The following ELP4 variants were observed in gnomAD, a reference collection of about 807,000 sequenced individuals.
ELP4 encodes elongator acetyltransferase complex subunit 4.
A neutral mutation model predicts 48.9 loss-of-function variants in ELP4; 51 were observed. The observed-to-expected ratio is 1.04, with a 90% confidence interval of 0.83 to 1.32. The LOEUF (loss-of-function observed/expected upper bound fraction) is 1.32, where lower values mean the gene tolerates loss of function less well. Ranked by LOEUF, ELP4 falls within the 40% of genes most tolerant of loss-of-function variation. The pLI is 0.00. For missense variants in ELP4, 519 were observed against 514.6 expected (o/e 1.01, Z -0.08); for synonymous variants, 210 against 189.2 (o/e 1.11, Z -0.90).
At chr11:31,684,780 G>A (rs915346773) in intron 9 of ELP4, among the ~76,000 whole-genome samples, 17 of 152,194 alleles carry the variant, frequency 1.1e-4, no homozygotes, top group Middle Eastern at 3.4e-3. Flanking sequence ...TCTTCACAGC[G>A]TAAACAAAAA....
At chr11:31,581,858 A>G (rs1050513560) in intron 3 of ELP4, among the ~76,000 whole-genome samples, 2 of 151,784 alleles carry the variant, frequency 1.3e-5, no homozygotes, top group Admixed American at 6.6e-5. Flanking sequence ...GCCTCAAGCA[A>G]TGCTCCCACT....
intron 3 of ELP4, among the ~76,000 whole-genome samples, chr11:31,557,879 A>G (rs1956954335): frequency 6.6e-6 from 1 of 151,940 alleles, no homozygotes; most frequent in African/African-American, 2.4e-5. Context: ...TTTTCCACAC[A>G]TTTTTACTTT....
At chr11:31,724,046 A>G (rs1462082154) in intron 9 of ELP4, among the ~76,000 whole-genome samples, 2 of 152,236 alleles carry the variant, frequency 1.3e-5, no homozygotes, top group Non-Finnish European at 1.5e-5. Flanking sequence ...AAAACTTTCT[A>G]TAGATGGCTG....
At chr11:31,759,164 T>C (rs1236601514) in intron 9 of ELP4, among the ~76,000 whole-genome samples, 1 of 152,330 alleles carries the variant, frequency 6.6e-6, no homozygotes, top group Admixed American at 6.5e-5. Context: ...AAAGAAGTTT[T>C]GCTTGGTGTA....
At chr11:31,588,799 A>G (rs573097444) in intron 3 of ELP4, among the ~76,000 whole-genome samples, 19 of 152,288 alleles carry the variant, frequency 1.2e-4, no homozygotes, top group Admixed American at 3.3e-4. Flanking sequence ...CCTGGCCAAC[A>G]TGGTAAAATC....
At chr11:31,658,647 A>G (rs1044614789) in intron 9 of ELP4, among the ~76,000 whole-genome samples, 1 of 151,916 alleles carries the variant, frequency 6.6e-6, no homozygotes, top group African/African-American at 2.4e-5. Flanking sequence ...CTTAAGTTCT[A>G]TGTTCAGGTA....
At chr11:31,706,043 G>A (rs1209817449) in intron 9 of ELP4, among the ~76,000 whole-genome samples, 1 of 151,868 alleles carries the variant, frequency 6.6e-6, no homozygotes, top group East Asian at 1.9e-4. Flanking sequence ...ATAAATAAAG[G>A]ATTTCCAAGG....
chr11:31,692,521 A>C (rs1212209820), intron 9 of ELP4, among the ~76,000 whole-genome samples: 4 of 152,226 alleles, frequency 2.6e-5, no homozygotes, highest in South Asian at 4.1e-4. Flanking sequence ...TCAATTTTTC[A>C]TTTGCAAGGG....
chr11:31,601,719 G>A (rs899912169), intron 4 of ELP4, among the ~76,000 whole-genome samples: 28 of 152,064 alleles, frequency 1.8e-4, no homozygotes, highest in African/African-American at 6.8e-4. Flanking sequence ...CTTAAAAGAA[G>A]TGAAAAGTCT....
intron 9 of ELP4, among the ~76,000 whole-genome samples, chr11:31,779,284 A>G (rs541249878): frequency 3.3e-5 from 5 of 152,338 alleles, no homozygotes; most frequent in South Asian, 2.1e-4. Flanking sequence ...ACTTATTTTA[A>G]TGAGTATTTA....
At position 31,735,204 on chromosome 11, in the gene ELP4, T is replaced by A. The variant is rs1057178999; in HGVS notation, c.1144-48189T>A. ...ACAAAAAAAAGAGATTGGATCCTCATCTTACACCATATAGAAAAATAAACT... is the reference window on the plus strand; with the variant it reads ...ACAAAAAAAAGAGATTGGATCCTCAACTTACACCATATAGAAAAATAAACT... On this transcript the variant is annotated intron_variant, in intron 9 of 9. Coordinates refer to ENST00000640961, the MANE Select transcript of ELP4 (RefSeq NM_019040.5). Among the ~76,000 whole-genome samples the A allele has an allele frequency of 2.0e-5, 3 of 148,482 alleles. No homozygotes were observed. The South Asian group carries it at 6.3e-4, about 31-fold the overall frequency.
intron 9 of ELP4, among the ~76,000 whole-genome samples, chr11:31,744,522 A>T (rs1335044647): frequency 6.6e-6 from 1 of 152,218 alleles, no homozygotes; most frequent in African/African-American, 2.4e-5. Flanking sequence ...CCAGCAGCAC[A>T]TCAAAAAGCT....
In ELP4 at chr11:31,594,815, G is replaced by T. The variant is rs773023640; in HGVS notation, c.427G>T (p.Asp143Tyr). The change falls in exon 4 of 10, where the codon GAT (aspartate) becomes TAT (tyrosine). Residue 143 changes from aspartate to tyrosine, a missense_variant. By Grantham distance (160) the Asp-to-Tyr change is radical. Transcript: ENST00000640961. The part of the protein sequence containing the change: ...LLDDKCKKEF[D>Y]EDVYNHKTPE... ...TGATGATAAATGTAAAAAGGAATTTGATGAAGATGTATACAATCATAAAAC... is the reference window on the plus strand; with the variant it reads ...TGATGATAAATGTAAAAAGGAATTTTATGAAGATGTATACAATCATAAAAC... 2.0e-6 allele frequency: 3 copies of T among 1,536,880 alleles called. No homozygotes were observed. The South Asian group carries it at 4.0e-5, about 20-fold the overall frequency.
chr11:31,737,951 GA>G (rs1947356600), intron 9 of ELP4, among the ~76,000 whole-genome samples: 2 of 152,080 alleles, frequency 1.3e-5, no homozygotes, highest in Admixed American at 1.3e-4. Flanking sequence ...TTATGCAAAA[GA>G]ATTGAAACCA....
At chr11:31,658,236 T>C (rs1232201) in intron 9 of ELP4, among the ~76,000 whole-genome samples, 1,559 of 152,104 alleles carry the variant, frequency 0.01, 11 homozygotes, top group Middle Eastern at 0.031. Context: ...GTGATATATA[T>C]ATATGTAACA....
chr11:31,619,833 A>C (rs182988619), intron 5 of ELP4, among the ~76,000 whole-genome samples: 13 of 152,000 alleles, frequency 8.6e-5, no homozygotes, highest in Admixed American at 7.2e-4. Flanking sequence ...TTCACCTTCC[A>C]AAAGGCCCCA....
chr11:31,776,531 T>C (rs1948251702), intron 9 of ELP4, among the ~76,000 whole-genome samples: 1 of 152,236 alleles, frequency 6.6e-6, no homozygotes, highest in South Asian at 2.1e-4. Context: ...GGGAGTAAAC[T>C]GGCAATCTTT....
chr11:31,567,835 A>G (rs1330290733), intron 3 of ELP4, among the ~76,000 whole-genome samples: 2 of 152,246 alleles, frequency 1.3e-5, no homozygotes, highest in Non-Finnish European at 2.9e-5. Context: ...GGTAACAGTT[A>G]TATGAGCCTT....
chr11:31,735,390 T>G lies in ELP4; in HGVS notation c.1144-48003T>G, dbSNP rs182752424. Reference sequence around the variant, plus strand: ...AGTAGTACTTTAAAAAATAAAAGCTTCTCATTCCCTTTGAAAGCTGGCACA... The same window carrying G: ...AGTAGTACTTTAAAAAATAAAAGCTGCTCATTCCCTTTGAAAGCTGGCACA... On this transcript the variant is annotated intron_variant, in intron 9 of 9. Coordinates refer to ENST00000640961, the MANE Select transcript of ELP4 (RefSeq NM_019040.5). 8.3e-4 allele frequency among the ~76,000 whole-genome samples: 126 copies of G among 152,038 alleles called. 2 individuals are homozygous for G. Among genetic ancestry groups the G allele is most frequent in the Admixed American group, 8.1e-3 (124 of 15,244 alleles).
Sources: allele counts gnomAD v4.1 joint callset (sites outside exome capture counted in the v4.1 genomes callset), GRCh38; gene constraint gnomAD v4.1.1; transcripts MANE v1.5; gene names NCBI Gene and HGNC (gene_info 2026-07-23, HGNC 2026-07-21).